RPS6KA2: variants seen among roughly 807,000 people sequenced by gnomAD.
RPS6KA2 encodes the protein ribosomal protein S6 kinase alpha-2.
Under a neutral mutation model 91.8 loss-of-function variants are expected in RPS6KA2, and 42 were observed. The observed-to-expected ratio is 0.46, with a 90% CI of 0.36 to 0.59. The LOEUF (loss-of-function observed/expected upper bound fraction) is 0.59. RPS6KA2 is among the 20% of genes least tolerant of loss of function. The pLI, the probability that RPS6KA2 is intolerant of heterozygous loss-of-function variation, is 0.00. For missense variants in RPS6KA2, 798 were observed against 978.5 expected (o/e 0.82, Z 2.46); for synonymous variants, 414 against 393.6 (o/e 1.05, Z -0.61).
intron 2 of RPS6KA2, among the ~76,000 whole-genome samples, chr6:166,674,675 G>C (rs1788570345): frequency 6.6e-6 from 1 of 152,180 alleles, no homozygotes; most frequent in South Asian, 2.1e-4. Context: ...ACAGTGTTTT[G>C]TTTTTGTTTC....
At chr6:166,741,163 TAAAC>T (rs1790800745) in intron 2 of RPS6KA2, among the ~76,000 whole-genome samples, 1 of 152,206 alleles carries the variant, frequency 6.6e-6, no homozygotes, top group Admixed American at 6.5e-5. Context: ...TGATGAGACT[TAAAC>T]ACACAAAGCC....
intron 2 of RPS6KA2, among the ~76,000 whole-genome samples, chr6:166,752,097 A>C (rs1043963526): frequency 6.6e-6 from 1 of 152,252 alleles, no homozygotes; most frequent in African/African-American, 2.4e-5. Flanking sequence ...TCTCATGTGC[A>C]TTTGTTAGAA....
intron 8 of RPS6KA2, among the ~76,000 whole-genome samples, chr6:166,491,559 A>G (rs180767050): frequency 2.6e-5 from 4 of 152,358 alleles, no homozygotes; most frequent in South Asian, 2.1e-4. Flanking sequence ...AATGTGCCCA[A>G]GGATCAATCC....
upstream of RPS6KA2, among the ~76,000 whole-genome samples, chr6:166,629,410 A>G (rs1582963861): frequency 6.6e-6 from 1 of 152,246 alleles, no homozygotes; most frequent in East Asian, 1.9e-4. Context: ...TTTGAAGGCA[A>G]CAAAACTGTT....
intron 2 of RPS6KA2, among the ~76,000 whole-genome samples, chr6:166,851,427 A>G (rs1562471066): frequency 6.6e-6 from 1 of 152,096 alleles, no homozygotes; most frequent in African/African-American, 2.4e-5. Flanking sequence ...GATGAGCACA[A>G]TTTTTTTCTG....
At chr6:166,692,537 T>C (rs1370917936) in intron 2 of RPS6KA2, among the ~76,000 whole-genome samples, 2 of 151,768 alleles carry the variant, frequency 1.3e-5, no homozygotes, top group Admixed American at 6.6e-5. Flanking sequence ...AGGAACAAAG[T>C]AGAATAAAGT....
chr6:166,580,054 G>A (rs551275376), intron 1 of RPS6KA2, among the ~76,000 whole-genome samples: 6 of 152,352 alleles, frequency 3.9e-5, no homozygotes, highest in African/African-American at 9.6e-5. Flanking sequence ...GACTCAGCCC[G>A]GAGGTTCTGG....
rs1320479879 is a variant in RPS6KA2, at chr6:166,418,010, C to T, written c.1938+215G>A. On this transcript the variant is annotated intron_variant, in intron 19 of 20. Coordinates refer to ENST00000265678, the MANE Select transcript of RPS6KA2 (RefSeq NM_021135.6). The surrounding 1 kb of genome is among the most constrained non-coding windows in gnomAD (Gnocchi z 4.9). ...GGCTGAGACAGGAGAATTACTTGAA[C>T]CCAGGAGGCAGAGGCTGCAGTGAGC... is the stretch of plus-strand genomic sequence containing the variant. Among the ~76,000 whole-genome samples, 5 of 152,110 alleles carry T rather than the reference C, an allele frequency of 3.3e-5. No homozygotes were observed. The East Asian group carries it at 5.8e-4, about 18-fold the overall frequency.
At chr6:166,531,988 A>C (rs1169094671) in intron 2 of RPS6KA2, among the ~76,000 whole-genome samples, 1 of 152,096 alleles carries the variant, frequency 6.6e-6, no homozygotes, top group Non-Finnish European at 1.5e-5. Flanking sequence ...AAAAAAAAAA[A>C]CTTCCATGCA....
intron 2 of RPS6KA2, among the ~76,000 whole-genome samples, chr6:166,785,654 CA>C (rs1196771709): frequency 9.2e-5 from 14 of 152,178 alleles, no homozygotes; most frequent in African/African-American, 3.4e-4. Flanking sequence ...ATAATTTATC[CA>C]AAGTCACAAG....
intron 1 of RPS6KA2, chr6:166,586,476 A>G: frequency 3.8e-6 from 6 of 1,597,412 alleles, no homozygotes; most frequent in Non-Finnish European, 4.2e-6. Context: ...AGTGTCAGTC[A>G]TTCTGAAAAT....
chr6:166,704,207 G>A (rs1020644928), intron 2 of RPS6KA2, among the ~76,000 whole-genome samples: 2 of 152,172 alleles, frequency 1.3e-5, no homozygotes, highest in African/African-American at 4.8e-5. Flanking sequence ...ATTTTAAAAT[G>A]AAACAGCAAT....
intron 12 of RPS6KA2, among the ~76,000 whole-genome samples, chr6:166,456,305 C>T (rs1332571695): frequency 2.6e-5 from 4 of 152,170 alleles, no homozygotes; most frequent in African/African-American, 4.8e-5. Context: ...TGACAGGTGG[C>T]CTAAATAGAA....
intron 2 of RPS6KA2, among the ~76,000 whole-genome samples, chr6:166,649,310 T>C (rs956546412): frequency 6.6e-6 from 1 of 152,234 alleles, no homozygotes; most frequent in African/African-American, 2.4e-5. Flanking sequence ...AGGACCTTTG[T>C]TCATGCATTT....
chr6:166,444,245 G>A lies in RPS6KA2; in HGVS notation c.1332+4479C>T, dbSNP rs371126139. On this transcript the variant is annotated intron_variant, in intron 14 of 20. Coordinates refer to ENST00000265678, the MANE Select transcript of RPS6KA2 (RefSeq NM_021135.6). ...CTTCCTTTTAATCCTCCTGGATCAC[G>A]ATTACCTCCAACACTTAATAGTCAC... 1.4e-4 allele frequency among the ~76,000 whole-genome samples: 22 copies of A among 152,016 alleles called. No homozygotes were observed. In the South Asian group the frequency reaches 4.2e-3, roughly 29 times the overall value.
chr6:166,429,728 C>T (rs58031677), intron 16 of RPS6KA2, among the ~76,000 whole-genome samples: 5 of 151,960 alleles, frequency 3.3e-5, no homozygotes, highest in South Asian at 2.1e-4. Flanking sequence ...TGGGATTACA[C>T]GTATGAGCCA....
At chr6:166,528,117 G>A (rs1163353108) in intron 3 of RPS6KA2, among the ~76,000 whole-genome samples, 1 of 152,168 alleles carries the variant, frequency 6.6e-6, no homozygotes, top group African/African-American at 2.4e-5. Context: ...TCAACCTTTC[G>A]AGAAACTGCA....
chr6:166,487,761 A>G (rs572410371), intron 10 of RPS6KA2, among the ~76,000 whole-genome samples: 1 of 152,372 alleles, frequency 6.6e-6, no homozygotes, highest in South Asian at 2.1e-4. Context: ...AGTACTTTAA[A>G]TACATCAATG....
intron 2 of RPS6KA2, among the ~76,000 whole-genome samples, chr6:166,751,977 C>T (rs1313991173): frequency 3.9e-5 from 6 of 152,282 alleles, no homozygotes; most frequent in Admixed American, 3.9e-4. Flanking sequence ...AGAAGCCAGA[C>T]TCCTTGGAGA....
Sources: allele counts gnomAD v4.1 joint callset (sites outside exome capture counted in the v4.1 genomes callset), GRCh38; gene constraint gnomAD v4.1.1; non-coding constraint Gnocchi (gnomAD v3.1); transcripts MANE v1.5; gene names NCBI Gene and HGNC (gene_info 2026-07-23, HGNC 2026-07-21).